Variants in CELF2 observed in about 807,000 individuals in gnomAD.
CELF2 encodes CUGBP Elav-like family member 2, also known as CUG triplet repeat RNA-binding protein 2.
Under a neutral mutation model 62.6 loss-of-function variants are expected in CELF2, and 8 were observed. The observed-to-expected ratio is 0.13, with a 90% CI of 0.07 to 0.23. CELF2 has a LOEUF of 0.23. CELF2 is among the 10% of genes least tolerant of loss of function. CELF2 has a pLI of 1.00. For synonymous variants in CELF2, 258 were observed against 250.0 expected (o/e 1.03, Z -0.30); for missense variants, 333 against 671.0 (o/e 0.50, Z 5.56).
the CELF2 span, among the ~76,000 whole-genome samples, chr10:10,517,480 A>G: frequency 1.3e-5 from 2 of 152,232 alleles, no homozygotes; most frequent in Admixed American, 1.3e-4. Flanking sequence ...CATAACAAAT[A>G]ACAAATAACA....
chr10:10,587,998 G>A, the CELF2 span, among the ~76,000 whole-genome samples: 1 of 149,066 alleles, frequency 6.7e-6, no homozygotes, highest in Admixed American at 6.7e-5. Flanking sequence ...GAGGAATTGT[G>A]AGAAAAGGTA....
chr10:10,882,797 A>C (rs1193359488), intron 1 of CELF2, among the ~76,000 whole-genome samples: 1 of 152,166 alleles, frequency 6.6e-6, no homozygotes, highest in Non-Finnish European at 1.5e-5. Context: ...CAAAATTTAA[A>C]ATATCAAATA....
chr10:11,165,053 G>GCCA lies in CELF2; in HGVS notation c.75-433_75-432insCCA. On this transcript the variant is annotated intron_variant, in intron 1 of 12. Coordinates refer to ENST00000633077, the MANE Select transcript of CELF2 (RefSeq NM_001326342.2). The surrounding 1 kb of genome is among the most constrained non-coding windows in gnomAD (Gnocchi z 7.4). Reference sequence around the variant, plus strand: ...CAAAAAGGGCGGTGGGGCGGGGGGCGGGGCAGGGAGAGGGAGAGAAATCCA... The same window carrying GCCA: ...CAAAAAGGGCGGTGGGGCGGGGGGCGCCAGGGCAGGGAGAGGGAGAGAAATCCA... 1 of 342,464 alleles carries GCCA rather than the reference G, an allele frequency of 2.9e-6. No homozygotes were observed. 21.2% of individuals were successfully genotyped at this position (342,464 alleles called of 1,614,324 possible).
rs1234280114 is a variant in CELF2, at chr10:10,888,163, A to C, written c.54-31801A>C. The stretch of plus-strand genomic sequence containing the variant: ...CACAAGATTTATGGATGACATAGCA[A>C]ATGATTTACATTACTGAATTTCTAA... On this transcript the variant is annotated intron_variant, in intron 1 of 13. Coordinates refer to the CELF2 transcript ENST00000636488. 3.3e-5 allele frequency among the ~76,000 whole-genome samples: 5 copies of C among 152,366 alleles called. No individual in the cohort carries two copies. In the East Asian group the frequency reaches 9.6e-4, roughly 29 times the overall value.
upstream of CELF2, chr10:11,005,244 CAGAG>C: frequency 2.1e-6 from 3 of 1,421,920 alleles, no homozygotes; most frequent in East Asian, 2.4e-5. The surrounding 1 kb of genome is among the most constrained non-coding windows in gnomAD (Gnocchi z 4.3). Flanking sequence ...AGTGGGAAGA[CAGAG>C]AGAGAGGGAG....
At chr10:11,183,441 T>G (rs1466263707) in intron 2 of CELF2, among the ~76,000 whole-genome samples, 1 of 152,262 alleles carries the variant, frequency 6.6e-6, no homozygotes, top group African/African-American at 2.4e-5. Flanking sequence ...ACAAGTGCTT[T>G]TGTCGCTCAG....
chr10:10,857,781 G>C (rs2059830614), intron 1 of CELF2, among the ~76,000 whole-genome samples: 1 of 149,730 alleles, frequency 6.7e-6, no homozygotes, highest in Non-Finnish European at 1.5e-5. Flanking sequence ...ACCCAGTAAG[G>C]AGTCATGATG....
At chr10:10,558,179 G>A in the CELF2 span, among the ~76,000 whole-genome samples, 1 of 152,170 alleles carries the variant, frequency 6.6e-6, no homozygotes, top group South Asian at 2.1e-4. Flanking sequence ...GTTTGTCATA[G>A]ATAGCTCTTA....
chr10:10,696,778 C>A, the CELF2 span, among the ~76,000 whole-genome samples: 7 of 152,132 alleles, frequency 4.6e-5, no homozygotes, highest in Non-Finnish European at 1.0e-4. Context: ...AGGTGCCGTC[C>A]GTCACCCCTT....
At chr10:10,650,803 C>G in the CELF2 span, among the ~76,000 whole-genome samples, 9 of 152,332 alleles carry the variant, frequency 5.9e-5, no homozygotes, top group African/African-American at 2.2e-4. Context: ...GAGTCACCAT[C>G]TGACCCAGCG....
At chr10:10,982,179 T>G (rs1383586265) in intron 2 of CELF2, among the ~76,000 whole-genome samples, 1 of 152,014 alleles carries the variant, frequency 6.6e-6, no homozygotes, top group African/African-American at 2.4e-5. Flanking sequence ...AGTCTCCAGC[T>G]CCTGACCTCA....
the CELF2 span, among the ~76,000 whole-genome samples, chr10:10,681,947 A>G: frequency 6.6e-6 from 1 of 152,238 alleles, no homozygotes; most frequent in Admixed American, 6.5e-5. Context: ...TGACCCAAAC[A>G]ACTGGCTAAT....
the CELF2 span, among the ~76,000 whole-genome samples, chr10:10,593,126 A>T: frequency 6.6e-6 from 1 of 152,280 alleles, no homozygotes; most frequent in Admixed American, 6.5e-5. Context: ...TAGGAACTGA[A>T]GTGGTGAGCA....
In CELF2 at chr10:11,018,043, G is replaced by A; in HGVS notation, c.-47G>A. ...TCGCGCCGCCCGCGGCCGCTCGGAC[G>A]CGCGCAGAGCCGCCCCCCGCCGCTG... On this transcript the variant is annotated 5_prime_UTR_variant, in exon 1 of 13. Transcript: ENST00000633077. 7.8e-7 allele frequency: 1 copy of A among 1,275,256 alleles called. No individual in the cohort carries two copies. The highest frequency in any genetic ancestry group is 1.0e-6 in the Non-Finnish European group (1 of 993,770). The allele number at this position is 1,275,256 out of a possible 1,614,324, so 79.0% of individuals were successfully genotyped here.
chr10:10,783,130 C>T, the CELF2 span, among the ~76,000 whole-genome samples: 7 of 152,094 alleles, frequency 4.6e-5, no homozygotes, highest in East Asian at 3.8e-4. Context: ...TGACTTCTTT[C>T]GGGTGGCAGA....
At chr10:11,100,072 G>GGCTCCTCTGAAATTCCA (rs2051109039) in intron 1 of CELF2, among the ~76,000 whole-genome samples, 1 of 151,872 alleles carries the variant, frequency 6.6e-6, no homozygotes, top group Non-Finnish European at 1.5e-5. Context: ...CATGGTGGTG[G>GGCTCCTCTGAAATTCCA]GCTCCTCTGA....
chr10:10,495,104 G>A, the CELF2 span, among the ~76,000 whole-genome samples: 3,372 of 147,456 alleles, frequency 0.023, 116 homozygotes, highest in African/African-American at 0.087. Flanking sequence ...GTGAAACCCC[G>A]TCTCTACTAA....
rs572165600 is a variant in CELF2, at chr10:11,177,998, G to A, written c.271+12316G>A. On this transcript the variant is annotated intron_variant, in intron 2 of 12. Coordinates refer to ENST00000633077, the MANE Select transcript of CELF2 (RefSeq NM_001326342.2). This position sits in a 1 kb window ranked among gnomAD's most constrained non-coding sequence, Gnocchi z 4.8. ...TAGATTGGAACAGCGTGACTGCCTG[G>A]TAGGATAAAGGAGACGACATCTGAA... Among the ~76,000 whole-genome samples the A allele has an allele frequency of 1.3e-5, 2 of 152,200 alleles. No individual in the cohort carries two copies. Among genetic ancestry groups the A allele is most frequent in the Non-Finnish European group, 2.9e-5 (2 of 68,038 alleles).
the CELF2 span, among the ~76,000 whole-genome samples, chr10:10,559,582 G>C: frequency 6.6e-6 from 1 of 152,170 alleles, no homozygotes; most frequent in African/African-American, 2.4e-5. Flanking sequence ...TTAAGCACCA[G>C]CAGTGATCCT....
Sources: allele counts gnomAD v4.1 joint callset (sites outside exome capture counted in the v4.1 genomes callset), GRCh38; gene constraint gnomAD v4.1.1; non-coding constraint Gnocchi (gnomAD v3.1); transcripts MANE v1.5; gene names NCBI Gene and HGNC (gene_info 2026-07-23, HGNC 2026-07-21).